SLC8B1: variants seen among roughly 807,000 people sequenced by gnomAD.
SLC8B1 encodes the protein solute carrier family 8 member B1.
Under a neutral mutation model 63.4 loss-of-function variants are expected in SLC8B1, and 52 were observed. The observed-to-expected ratio is 0.82, with a 90% confidence interval of 0.66 to 1.03. The LOEUF (loss-of-function observed/expected upper bound fraction) is 1.03, where lower values mean the gene tolerates loss of function less well. SLC8B1 is among the 50% of genes least tolerant of loss of function. The pLI is 0.00. For missense variants in SLC8B1, 657 were observed against 741.7 expected (o/e 0.89, Z 1.33); for synonymous variants, 336 against 323.9 (o/e 1.04, Z -0.40).
intron 15 of SLC8B1, among the ~76,000 whole-genome samples, chr12:113,300,230 C>T (rs1473634838): frequency 6.6e-6 from 1 of 152,226 alleles, no homozygotes; most frequent in African/African-American, 2.4e-5. Flanking sequence ...GTAATTCCAG[C>T]ACTTTGGGAG....
At chr12:113,306,325 T>A (rs1308458848) in intron 14 of SLC8B1, among the ~76,000 whole-genome samples, 170 bp downstream of exon 14, 1 of 152,032 alleles carries the variant, frequency 6.6e-6, no homozygotes, top group Non-Finnish European at 1.5e-5. Flanking sequence ...ACTTGGAGGT[T>A]AGCACTCCCC....
rs375999255 is a variant in SLC8B1 at position 113,304,311 on chromosome 12, G to A, written c.1557+10C>T. The A allele has an allele frequency of 2.1e-4, 333 of 1,612,946 alleles. No homozygotes were observed. In the African/African-American group the frequency reaches 3.5e-3, roughly 17 times the overall value. ...TTATATACACTTGTAAACTTACAAG[G>A]AATACTCACCTTCACTTCTGTGTGG... On this transcript the variant is annotated intron_variant, in intron 15 of 15. Transcript: ENST00000680972.
intron 11 of SLC8B1, among the ~76,000 whole-genome samples, chr12:113,312,693 G>A (rs1956780837): frequency 6.6e-6 from 1 of 152,150 alleles, no homozygotes; most frequent in South Asian, 2.1e-4. Context: ...CTACCACTAG[G>A]TGGTGTTAAC....
Position 113,305,828 on chromosome 12 carries a change from G to A in SLC8B1, c.1492+667C>T, listed in dbSNP as rs1956663792. Among the ~76,000 whole-genome samples, 1 of 152,024 alleles carries A rather than the reference G, an allele frequency of 6.6e-6. No individual in the cohort carries two copies. The highest frequency in any genetic ancestry group is 2.4e-5 in the African/African-American group (1 of 41,396). The stretch of plus-strand genomic sequence containing the variant: ...GTAATCCCAGCACTTGGAGGCTGAG[G>A]CTGGCAGATCACTTGAGGTCAGGAG... On this transcript the variant is annotated intron_variant, in intron 14 of 15. Transcript: ENST00000680972. The surrounding 1 kb of genome is among the most constrained non-coding windows in gnomAD (Gnocchi z 4.3).
At chr12:113,318,711 G>A (rs1007156343) in intron 8 of SLC8B1, among the ~76,000 whole-genome samples, 2 of 152,176 alleles carry the variant, frequency 1.3e-5, no homozygotes, top group Non-Finnish European at 1.5e-5. Flanking sequence ...GAGCAGTGGC[G>A]ATTCTTAGAG....
At chr12:113,326,048 G>A (rs1357181047) in intron 2 of SLC8B1, among the ~76,000 whole-genome samples, 1 of 152,148 alleles carries the variant, frequency 6.6e-6, no homozygotes, top group South Asian at 2.1e-4. Flanking sequence ...AGCAAACTTC[G>A]GCCCCTGGAC....
intron 10 of SLC8B1, 83 bp downstream of exon 10, chr12:113,316,443 C>T: frequency 6.6e-7 from 1 of 1,525,882 alleles, no homozygotes; most frequent in Non-Finnish European, 8.9e-7. Flanking sequence ...CAGGCCCTCC[C>T]CCTCGTAGAG....
intron 2 of SLC8B1, among the ~76,000 whole-genome samples, chr12:113,326,918 A>G (rs968099749): frequency 1.3e-5 from 2 of 152,078 alleles, no homozygotes; most frequent in Non-Finnish European, 2.9e-5. Flanking sequence ...CAGGCTTGGG[A>G]ATCTCCATCA....
chr12:113,299,069 A>G lies in SLC8B1; in HGVS notation c.*708T>C, dbSNP rs956898489. The G allele has an allele frequency of 1.4e-4, 21 of 153,386 alleles. No homozygotes were observed. The highest frequency in any genetic ancestry group is 5.1e-4 in the African/African-American group (21 of 41,458). 9.5% of individuals were successfully genotyped at this position (153,386 alleles called of 1,614,324 possible). ...GAGTCTGTGGACAGGCAGGGGCAGA[A>G]TCCTGGAGGGAGCGCCTGAGCCACC... On this transcript the variant is annotated 3_prime_UTR_variant, in exon 16 of 16. Transcript: ENST00000680972.
Position 113,300,963 on chromosome 12 carries a change from C to G in SLC8B1, c.1558-989G>C, listed in dbSNP as rs146759241. ...CCAGCCTGACCAACATGGTGAAACCCCGTCTCTATTAAAAATACCAAAATT... is the reference window on the plus strand; with the variant it reads ...CCAGCCTGACCAACATGGTGAAACCGCGTCTCTATTAAAAATACCAAAATT... On this transcript the variant is annotated intron_variant, in intron 15 of 15. Transcript: ENST00000680972. Among the ~76,000 whole-genome samples the G allele has an allele frequency of 4.7e-3, 716 of 152,190 alleles. 7 individuals carry two copies. Among genetic ancestry groups the G allele is most frequent in the African/African-American group, 0.016 (678 of 41,534 alleles).
chr12:113,318,385 T>C (rs1488511983), intron 8 of SLC8B1, among the ~76,000 whole-genome samples: 3 of 152,068 alleles, frequency 2.0e-5, no homozygotes, highest in African/African-American at 4.8e-5. Flanking sequence ...GTTGTATATG[T>C]GTGCATGTAT....
chr12:113,334,620 T>C lies in SLC8B1; in HGVS notation c.-260A>G, dbSNP rs529981265. On this transcript the variant is annotated 5_prime_UTR_variant, in exon 1 of 16. In the 5' UTR this introduces an upstream ATG that the reference lacks. Transcript: ENST00000680972. ...AGTCACTTCACCTCTCTGGGCCTCTTATTCCTCATGTGTGAAATGGACACA... is the reference window on the plus strand; with the variant it reads ...AGTCACTTCACCTCTCTGGGCCTCTCATTCCTCATGTGTGAAATGGACACA... The C allele has an allele frequency of 3.3e-5, 5 of 152,388 alleles. No homozygotes were observed. Among genetic ancestry groups the C allele is most frequent in the Admixed American group, 3.3e-4 (5 of 15,306 alleles). The allele number at this position is 152,388 out of a possible 1,614,324, so 9.4% of individuals were successfully genotyped here. A position where few individuals can be genotyped will look rare whatever the true frequency, so the allele number is the denominator to read the frequency against.
intron 9 of SLC8B1, 65 bp from the exon 10 acceptor site, chr12:113,316,721 C>T (rs185099421): frequency 1.4e-5 from 23 of 1,590,498 alleles, no homozygotes; most frequent in East Asian, 4.5e-5. Context: ...AAACCTTCCC[C>T]GCTCCATCCC....
chr12:113,300,802 G>A (rs567859914), intron 15 of SLC8B1, among the ~76,000 whole-genome samples: 2 of 152,276 alleles, frequency 1.3e-5, no homozygotes, highest in Non-Finnish European at 2.9e-5. Context: ...ATGCACAAGC[G>A]GATGTTCACC....
chr12:113,317,782 G>A (rs1956854014), intron 8 of SLC8B1, among the ~76,000 whole-genome samples: 1 of 151,916 alleles, frequency 6.6e-6, no homozygotes, highest in Non-Finnish European at 1.5e-5. Context: ...TTGTATGTGT[G>A]TTGTGTATGT....
chr12:113,333,278 T>A (rs1229662001), intron 1 of SLC8B1, among the ~76,000 whole-genome samples: 3 of 144,518 alleles, frequency 2.1e-5, no homozygotes, highest in Non-Finnish European at 1.5e-5. Context: ...CTCAGGCTTC[T>A]GGGGCAGGTG....
intron 11 of SLC8B1, among the ~76,000 whole-genome samples, chr12:113,310,723 G>A (rs958982822): frequency 2.6e-5 from 4 of 152,124 alleles, no homozygotes; most frequent in African/African-American, 7.2e-5. Flanking sequence ...AGATGGCATC[G>A]CTCCATGAGA....
intron 11 of SLC8B1, among the ~76,000 whole-genome samples, chr12:113,312,127 G>A (rs1956771392): frequency 6.6e-6 from 1 of 152,000 alleles, no homozygotes; most frequent in African/African-American, 2.4e-5. Context: ...GTAGGAGGCA[G>A]TTGGCTCAGA....
chr12:113,319,011 T>C lies in SLC8B1; in HGVS notation c.755A>G (p.Gln252Arg), dbSNP rs1159778994. 3 of 1,613,920 alleles carry C rather than the reference T, an allele frequency of 1.9e-6. No homozygotes were observed. Among genetic ancestry groups the C allele is most frequent in the Non-Finnish European group, 2.5e-6 (3 of 1,179,958 alleles). ...GAACAGAGATCCTCTCCGTTGCCGT[T>C]GGTAGATCCAGGTGCAGAGAATCAC... ...VTVILCTWIYQRQRRGSLFCP... is the reference protein window; with the variant it reads ...VTVILCTWIYRRQRRGSLFCP... Residue 252 changes from glutamine to arginine, a missense_variant, in exon 8 of 16, where the codon CAA (glutamine) becomes CGA (arginine). Transcript: ENST00000680972.
Sources: allele counts gnomAD v4.1 joint callset (sites outside exome capture counted in the v4.1 genomes callset), GRCh38; gene constraint gnomAD v4.1.1; non-coding constraint Gnocchi (gnomAD v3.1); transcripts MANE v1.5; gene names NCBI Gene and HGNC (gene_info 2026-07-23, HGNC 2026-07-21).